ADAMTS3: variants seen among roughly 807,000 people sequenced by gnomAD.
ADAMTS3 encodes the protein ADAM metallopeptidase with thrombospondin type 1 motif 3, also known as A disintegrin and metalloproteinase with thrombospondin motifs 3.
ADAMTS3 carries 73 observed loss-of-function variants against 129.0 expected under a neutral mutation model. The observed-to-expected ratio is 0.57, with a 90% CI of 0.47 to 0.69. ADAMTS3 has a LOEUF of 0.69. ADAMTS3 is among the 30% of genes least tolerant of loss of function. The pLI is 0.00. For synonymous variants in ADAMTS3, 477 were observed against 510.8 expected, an observed-to-expected ratio of 0.93 and a Z score of 0.89; for missense variants, 1,457 against 1,514.5, an observed-to-expected ratio of 0.96 and a Z score of 0.63.
At chr4:72,478,263 C>T (rs1719302982) in intron 3 of ADAMTS3, among the ~76,000 whole-genome samples, 1 of 152,034 alleles carries the variant, frequency 6.6e-6, no homozygotes, top group Admixed American at 6.6e-5. Flanking sequence ...AGACCAATAT[C>T]CTTGATGAAC....
intron 5 of ADAMTS3, among the ~76,000 whole-genome samples, chr4:72,325,204 C>T (rs2109814138): frequency 6.6e-6 from 1 of 152,060 alleles, no homozygotes; most frequent in Non-Finnish European, 1.5e-5. Flanking sequence ...TAAAACCATT[C>T]ACATTATTAA....
intron 2 of ADAMTS3, among the ~76,000 whole-genome samples, chr4:72,562,554 A>G (rs535923709): frequency 2.8e-4 from 42 of 152,334 alleles, no homozygotes; most frequent in African/African-American, 1.0e-3. Context: ...GAAAAATTGT[A>G]CTAAAACATT....
intron 2 of ADAMTS3, among the ~76,000 whole-genome samples, chr4:72,553,667 C>A (rs1371807902): frequency 2.0e-5 from 3 of 152,088 alleles, no homozygotes; most frequent in Non-Finnish European, 4.4e-5. Flanking sequence ...GTCTGGGAAG[C>A]ATAAGAAATT....
chr4:72,487,640 A>G (rs1719625186), intron 3 of ADAMTS3, among the ~76,000 whole-genome samples: 1 of 152,120 alleles, frequency 6.6e-6, no homozygotes, highest in Non-Finnish European at 1.5e-5. Flanking sequence ...TCTTATTAAC[A>G]ATACTTTCTG....
Position 72,290,932 on chromosome 4 carries a change from C to G in ADAMTS3, c.2854G>C (p.Gly952Arg). 6.2e-7 allele frequency: 1 copy of G among 1,614,038 alleles called. No homozygotes were observed. The highest frequency in any genetic ancestry group is 8.5e-7 in the Non-Finnish European group (1 of 1,179,970). Reference sequence around the variant, plus strand: ...GGCCGGCGGCTCTCGGGACGGTCACCCATGCAGTATTTGCTGTGCACAGAG... The same window carrying G: ...GGCCGGCGGCTCTCGGGACGGTCACGCATGCAGTATTTGCTGTGCACAGAG... ...NRSVHSKYCM[G>R]DRPESRRPCN... Residue 952 changes from glycine (G) to arginine (R), a missense_variant, in exon 20 of 22, where the codon GGT (glycine) becomes CGT (arginine). Physicochemically the swap from Gly to Arg is moderately radical, Grantham distance 125. Coordinates refer to ENST00000286657, the MANE Select transcript of ADAMTS3 (RefSeq NM_014243.3).
chr4:72,306,552 A>G (rs1719094450), intron 15 of ADAMTS3, among the ~76,000 whole-genome samples: 1 of 152,034 alleles, frequency 6.6e-6, no homozygotes, highest in Admixed American at 6.6e-5. Flanking sequence ...AAATATTTTC[A>G]TATTTAAAGC....
chr4:72,357,964 T>C (rs1434561), intron 4 of ADAMTS3, among the ~76,000 whole-genome samples: 149,939 of 152,036 alleles, frequency 0.99, 73,961 homozygotes, highest in Non-Finnish European at 1. Flanking sequence ...TCTAAATTAA[T>C]GAGAAATGAT....
At chr4:72,324,467 T>C (rs111550960) in intron 5 of ADAMTS3, among the ~76,000 whole-genome samples, 12 of 152,150 alleles carry the variant, frequency 7.9e-5, no homozygotes, top group African/African-American at 2.2e-4. Context: ...AAAATCTGGC[T>C]AAGCTAGAAT....
intron 4 of ADAMTS3, among the ~76,000 whole-genome samples, chr4:72,407,101 T>C (rs1722070709): frequency 2.0e-5 from 3 of 152,126 alleles, no homozygotes; most frequent in Non-Finnish European, 4.4e-5. Flanking sequence ...TCTTTAAACA[T>C]AATTAGAAAG....
chr4:72,526,627 T>A (rs1720815413), intron 3 of ADAMTS3, among the ~76,000 whole-genome samples: 1 of 145,982 alleles, frequency 6.9e-6, no homozygotes, highest in South Asian at 2.1e-4. Context: ...AGGTTTTTGC[T>A]GTGTACACAT....
intron 3 of ADAMTS3, among the ~76,000 whole-genome samples, chr4:72,421,720 A>C (rs1314397548): frequency 2.0e-5 from 3 of 152,192 alleles, no homozygotes; most frequent in African/African-American, 7.2e-5. Flanking sequence ...TGTCAAAACC[A>C]CATGTTTTTC....
intron 18 of ADAMTS3, among the ~76,000 whole-genome samples, chr4:72,297,165 T>C (rs1354412225): frequency 6.6e-6 from 1 of 152,032 alleles, no homozygotes; most frequent in Non-Finnish European, 1.5e-5. Flanking sequence ...GAGAAGAACA[T>C]CAATATTAGT....
At chr4:72,315,176 A>C (rs754873583) in intron 11 of ADAMTS3, among the ~76,000 whole-genome samples, 6 of 152,216 alleles carry the variant, frequency 3.9e-5, no homozygotes, top group Admixed American at 6.5e-5. Flanking sequence ...ATCAGATCCC[A>C]CTACCAGGGG....
chr4:72,566,653 T>C (rs1392894210), intron 2 of ADAMTS3, among the ~76,000 whole-genome samples: 1 of 152,254 alleles, frequency 6.6e-6, no homozygotes, highest in Non-Finnish European at 1.5e-5. Flanking sequence ...GTAGCCTGGC[T>C]TCTTGCCAGA....
In ADAMTS3 at chr4:72,543,328, A is replaced by C. The variant is rs116045597; in HGVS notation, c.504+5150T>G. Among the ~76,000 whole-genome samples, 876 of 152,286 alleles carry C rather than the reference A, an allele frequency of 5.8e-3. 14 individuals are homozygous for C. The highest frequency in any genetic ancestry group is 0.02 in the African/African-American group (839 of 41,568). On this transcript the variant is annotated intron_variant, in intron 3 of 21. Transcript: ENST00000286657. Reference sequence around the variant, plus strand: ...CAATTTTTTTCCAAAAATTAAAAATAGAATGACCATATGATCCAGCAGTGT... The same window carrying C: ...CAATTTTTTTCCAAAAATTAAAAATCGAATGACCATATGATCCAGCAGTGT...
intron 3 of ADAMTS3, among the ~76,000 whole-genome samples, chr4:72,502,688 T>C (rs1720055777): frequency 6.6e-6 from 1 of 152,180 alleles, no homozygotes; most frequent in South Asian, 2.1e-4. Context: ...CTAAGTTCAA[T>C]GTTAGATCAT....
intron 3 of ADAMTS3, among the ~76,000 whole-genome samples, chr4:72,423,369 G>T (rs1038551170): frequency 6.6e-6 from 1 of 152,034 alleles, no homozygotes; most frequent in Admixed American, 6.6e-5. Flanking sequence ...TAATAGTCTA[G>T]TAAGACTATC....
intron 3 of ADAMTS3, among the ~76,000 whole-genome samples, chr4:72,451,751 T>C (rs1180567529): frequency 6.6e-6 from 1 of 151,832 alleles, no homozygotes; most frequent in African/African-American, 2.4e-5. Flanking sequence ...ACCCATTATA[T>C]TCATATATAA....
At chr4:72,394,987 C>T (rs1395423666) in intron 4 of ADAMTS3, among the ~76,000 whole-genome samples, 6 of 151,694 alleles carry the variant, frequency 4.0e-5, no homozygotes, top group Admixed American at 2.0e-4. Flanking sequence ...TGCAGTGGCA[C>T]GATCTCGACT....
Sources: gnomAD v4.1 joint callset for allele counts (sites outside exome capture counted in the v4.1 genomes callset) on GRCh38, gnomAD v4.1.1 for gene constraint, MANE v1.5 for transcripts, NCBI Gene and HGNC (gene_info 2026-07-23, HGNC 2026-07-21) for gene names.